The following PIWIL3 variants were observed in gnomAD, a reference collection of about 807,000 sequenced individuals.
PIWIL3 encodes piwi like RNA-mediated gene silencing 3.
In PIWIL3, 101 loss-of-function variants were observed where a neutral mutation model predicts 109.7. The ratio of observed to expected loss-of-function variants is 0.92; its 90% CI spans 0.78 to 1.09. The LOEUF is 1.09. Among genes scored for constraint, PIWIL3 ranks in the 50% least tolerant of loss-of-function variants. The pLI is 0.00. For synonymous variants in PIWIL3, 373 were observed against 376.4 expected, an observed-to-expected ratio of 0.99 and a Z score of 0.10; for missense variants, 1,031 against 1,072.6, an observed-to-expected ratio of 0.96 and a Z score of 0.54.
At chr22:24,727,813 C>G in intron 16 of PIWIL3, 137 bp downstream of exon 16, 2 of 700,838 alleles carry the variant, frequency 2.9e-6, no homozygotes, top group Admixed American at 6.0e-5. Flanking sequence ...CCAGAAAAAT[C>G]AGGAGACTAC....
In PIWIL3 at chr22:24,751,491, T is replaced by G; in HGVS notation, c.985A>C (p.Asn329His). 1 of 1,609,934 alleles carries G rather than the reference T, an allele frequency of 6.2e-7. No individual in the cohort carries two copies. The highest frequency in any genetic ancestry group is 8.5e-7 in the Non-Finnish European group (1 of 1,179,068). ...IGSIVLTKYNNKTYRVDDIDW... is the reference protein window; with the variant it reads ...IGSIVLTKYNHKTYRVDDIDW... ...ATATCATCTACTCTGTAGGTTTTGT[T>G]GTTGTATCTGTGGAATAATTACAAT... is the stretch of plus-strand genomic sequence containing the variant. Residue 329 changes from asparagine to histidine, a missense_variant, in exon 9 of 21, where the codon AAC becomes CAC. Coordinates refer to ENST00000616349, the MANE Select transcript of PIWIL3 (RefSeq NM_001255975.1).
intron 8 of PIWIL3, 47 bp downstream of exon 8, chr22:24,753,967 A>G (rs1358873409): frequency 1.4e-6 from 2 of 1,475,166 alleles, no homozygotes; most frequent in South Asian, 2.3e-5. Flanking sequence ...GGGGTGGGGG[A>G]AGGGGGAGTT....
intron 14 of PIWIL3, among the ~76,000 whole-genome samples, chr22:24,731,593 G>A (rs1276124393): frequency 6.6e-6 from 1 of 151,754 alleles, no homozygotes; most frequent in African/African-American, 2.4e-5. Flanking sequence ...GGAGGTTGCA[G>A]TGAGCTGAGA....
chr22:24,739,753 A>C (rs949884752), intron 12 of PIWIL3, among the ~76,000 whole-genome samples: 18 of 152,138 alleles, frequency 1.2e-4, no homozygotes, highest in African/African-American at 4.3e-4. Context: ...GAAGGTACAA[A>C]ACTTACTGGT....
At chr22:24,720,675 CTTTT>C (rs1262149144) in intron 19 of PIWIL3, among the ~76,000 whole-genome samples, 1 of 152,104 alleles carries the variant, frequency 6.6e-6, no homozygotes, top group Non-Finnish European at 1.5e-5. Flanking sequence ...GTTTATGATA[CTTTT>C]TATTTGCTCC....
At chr22:24,743,210 T>A (rs1363463500) in intron 12 of PIWIL3, among the ~76,000 whole-genome samples, 1 of 152,016 alleles carries the variant, frequency 6.6e-6, no homozygotes, top group African/African-American at 2.4e-5. Flanking sequence ...GATGTTGACA[T>A]GGATGTGGCA....
chr22:24,757,857 A>G (rs1925183820), intron 4 of PIWIL3, 51 bp downstream of exon 4: 1 of 1,536,588 alleles, frequency 6.5e-7, no homozygotes, highest in Non-Finnish European at 8.7e-7. Context: ...AAAAAAAAAA[A>G]AAAGTTAAAA....
At chr22:24,742,959 C>T (rs955758027) in intron 12 of PIWIL3, among the ~76,000 whole-genome samples, 6 of 152,140 alleles carry the variant, frequency 3.9e-5, no homozygotes, top group Admixed American at 3.3e-4. Flanking sequence ...AGACAACTCA[C>T]AGAATGGGAG....
Position 24,725,017 on chromosome 22 carries a change from T to A in PIWIL3, c.2101A>T (p.Lys701Ter). Residue 701 changes from lysine to a stop codon, truncating the protein, a stop_gained, in exon 18 of 21, where the codon AAA (lysine) becomes TAA (stop). Coordinates refer to ENST00000616349, the MANE Select transcript of PIWIL3 (RefSeq NM_001255975.1). LOFTEE classifies it high-confidence loss of function. ...CLKAALDVWCKNESSMPHSVI... is the reference protein window; with the variant it reads ...CLKAALDVWC Reference sequence around the variant, plus strand: ...GAATGTGGCATCGATGATTCGTTTTTACACCAGACATCCAGGGCAGCTAAG... The same window carrying A: ...GAATGTGGCATCGATGATTCGTTTTAACACCAGACATCCAGGGCAGCTAAG... 1 of 1,614,214 alleles carries A rather than the reference T, an allele frequency of 6.2e-7. No homozygotes were observed.
chr22:24,735,257 T>G (rs1923591892), intron 13 of PIWIL3, among the ~76,000 whole-genome samples: 1 of 152,144 alleles, frequency 6.6e-6, no homozygotes, highest in South Asian at 2.1e-4. Flanking sequence ...CTGTAAACTA[T>G]GGACTTTGGG....
intron 1 of PIWIL3, among the ~76,000 whole-genome samples, chr22:24,773,359 T>C (rs1926232456): frequency 6.6e-6 from 1 of 152,146 alleles, no homozygotes; most frequent in Admixed American, 6.5e-5. Context: ...GATACCAACT[T>C]TCTCCTCTTT....
At chr22:24,755,674 A>G in intron 6 of PIWIL3, 110 bp downstream of exon 6, 1 of 1,388,054 alleles carries the variant, frequency 7.2e-7, no homozygotes, top group African/African-American at 1.4e-5. Context: ...CTCTTAATAC[A>G]TGAGGACTAG....
At chr22:24,735,569 T>C in intron 13 of PIWIL3, 139 bp downstream of exon 13, 1 of 765,486 alleles carries the variant, frequency 1.3e-6, no homozygotes, top group South Asian at 2.6e-5. Context: ...TCTGTTTTAA[T>C]ATTTTTTGAC....
chr22:24,754,556 A>G (rs1250693092), intron 7 of PIWIL3, among the ~76,000 whole-genome samples: 3 of 152,208 alleles, frequency 2.0e-5, no homozygotes, highest in Non-Finnish European at 4.4e-5. Context: ...TAGGCTTCTT[A>G]ATGTGTGTGC....
At chr22:24,760,641 A>ATGG (rs1039886686) in intron 2 of PIWIL3, among the ~76,000 whole-genome samples, 4 of 151,876 alleles carry the variant, frequency 2.6e-5, no homozygotes, top group Admixed American at 6.6e-5. Context: ...TTAGCTGGGC[A>ATGG]TGGTGGCACA....
intron 12 of PIWIL3, among the ~76,000 whole-genome samples, chr22:24,738,989 G>A (rs930452708): frequency 6.6e-6 from 1 of 152,072 alleles, no homozygotes. Context: ...AAAGAATTGG[G>A]AATTCTAGTA....
chr22:24,745,717 G>GAA (rs71189273), intron 12 of PIWIL3, among the ~76,000 whole-genome samples: 59 of 80,236 alleles, frequency 7.4e-4, no homozygotes, highest in Middle Eastern at 9.3e-3. Context: ...GTCAGACTAA[G>GAA]AAAAAAAAAA....
intron 2 of PIWIL3, among the ~76,000 whole-genome samples, chr22:24,760,346 T>C (rs1466079596): frequency 6.6e-6 from 1 of 151,510 alleles, no homozygotes; most frequent in African/African-American, 2.4e-5. Context: ...AAGCCAGCAG[T>C]GGAAGAAAAA....
chr22:24,750,179 AG>A (rs916292680), intron 9 of PIWIL3, among the ~76,000 whole-genome samples: 7 of 152,096 alleles, frequency 4.6e-5, no homozygotes, highest in African/African-American at 1.7e-4. Flanking sequence ...TCAAGAGGAC[AG>A]TTTAAAGAGG....
Sources: gnomAD v4.1 joint callset for allele counts (sites outside exome capture counted in the v4.1 genomes callset) on GRCh38, gnomAD v4.1.1 for gene constraint, MANE v1.5 for transcripts, NCBI Gene and HGNC (gene_info 2026-07-23, HGNC 2026-07-21) for gene names.